Variants in ADCY10 observed in about 807,000 individuals in gnomAD.
ADCY10 encodes adenylate cyclase 10.
Under a neutral mutation model 183.3 loss-of-function variants are expected in ADCY10, and 156 were observed. That is an observed-to-expected ratio of 0.85 (90% CI 0.75 to 0.97). The LOEUF (loss-of-function observed/expected upper bound fraction) is 0.97. Among genes scored for constraint, ADCY10 ranks in the 50% least tolerant of loss-of-function variants. The probability of loss-of-function intolerance (pLI) is 0.00; values close to 1 mark genes in which losing one functional copy is unlikely to be tolerated. For synonymous variants in ADCY10, 645 were observed against 670.0 expected, an observed-to-expected ratio of 0.96 and a Z score of 0.58; for missense variants, 1,745 against 1,934.3, an observed-to-expected ratio of 0.90 and a Z score of 1.84.
rs762707830 is a variant in ADCY10, at chr1:167,837,238, T to C, written c.3077+11A>G. The stretch of plus-strand genomic sequence containing the variant: ...ATGCTCTACTTCCTAAACAATGATA[T>C]ATGCCTCTACCTGCGATTTTCAGGA... On this transcript the variant is annotated intron_variant, in intron 22 of 32. Transcript: ENST00000367851. The C allele has an allele frequency of 5.6e-6, 9 of 1,603,400 alleles. No homozygotes were observed. Among genetic ancestry groups the C allele is most frequent in the Non-Finnish European group, 7.7e-6 (9 of 1,170,444 alleles).
At chr1:167,880,345 C>T (rs1191614330) in intron 10 of ADCY10, 146 bp downstream of exon 10, 6 of 949,402 alleles carry the variant, frequency 6.3e-6, no homozygotes, top group East Asian at 4.9e-5. Context: ...CTACATGGCC[C>T]GGAGATGCGA....
Position 167,836,354 on chromosome 1 carries a change from G to T in ADCY10, c.3264C>A (p.Phe1088Leu). The T allele has an allele frequency of 6.2e-7, 1 of 1,614,108 alleles. No homozygotes were observed. The highest frequency in any genetic ancestry group is 2.2e-5 in the East Asian group (1 of 44,864). ...TGAGATAAGCAGATGCAATTTCTAA[G>T]AAGTAATATAAGGCTTTGTCATTTT... ...LGENDKALYY[F>L]LEIASAYLIF... is the part of the protein sequence containing the mutation. Residue 1088 changes from phenylalanine (F) to leucine (L), a missense_variant, in exon 23 of 33, where the codon TTC (phenylalanine) becomes TTA (leucine). Coordinates refer to ENST00000367851, the MANE Select transcript of ADCY10 (RefSeq NM_018417.6).
At chr1:167,862,605 G>T (rs1666364810) in intron 14 of ADCY10, among the ~76,000 whole-genome samples, 1 of 152,120 alleles carries the variant, frequency 6.6e-6, no homozygotes, top group Non-Finnish European at 1.5e-5. Flanking sequence ...TTTTACAGAG[G>T]CCCCGGCTAG....
chr1:167,846,288 G>T, intron 19 of ADCY10, 25 bp from the exon 20 acceptor site: 1 of 1,613,664 alleles, frequency 6.2e-7, no homozygotes. Context: ...CCACACAGTA[G>T]AAAACTAGTT....
intron 9 of ADCY10, 102 bp downstream of exon 9, chr1:167,883,335 G>T: frequency 7.4e-7 from 1 of 1,352,500 alleles, no homozygotes; most frequent in Non-Finnish European, 1.1e-6. Flanking sequence ...ACCACGCCCA[G>T]CCTCTAGGTT....
intron 3 of ADCY10, 136 bp downstream of exon 3, chr1:167,903,751 A>G: frequency 1.5e-6 from 1 of 686,290 alleles, no homozygotes; most frequent in Non-Finnish European, 2.6e-6. Context: ...ATTTCAAAAA[A>G]GACTGGTTTT....
chr1:167,815,081 C>T (rs1412676605), intron 31 of ADCY10, among the ~76,000 whole-genome samples: 2 of 152,028 alleles, frequency 1.3e-5, no homozygotes, highest in Non-Finnish European at 2.9e-5. Context: ...GCCGAGATCA[C>T]GCCATTGCAC....
chr1:167,853,983 C>T (rs1665695059), intron 18 of ADCY10, among the ~76,000 whole-genome samples: 1 of 151,974 alleles, frequency 6.6e-6, no homozygotes, highest in Non-Finnish European at 1.5e-5. Flanking sequence ...GGATTACAAG[C>T]ACCCACCACC....
At chr1:167,821,116 T>C (rs997252662) in intron 30 of ADCY10, 1 of 152,252 alleles carries the variant, frequency 6.6e-6, no homozygotes, top group Non-Finnish European at 1.5e-5. Context: ...GTCTTGGGGA[T>C]AGTCATGGAA....
At chr1:167,890,556 C>T (rs1490928777) in intron 8 of ADCY10, among the ~76,000 whole-genome samples, 2 of 152,124 alleles carry the variant, frequency 1.3e-5, no homozygotes, top group African/African-American at 2.4e-5. Flanking sequence ...GTGACTACTA[C>T]CAGGCTACCA....
At chr1:167,882,261 G>A (rs1470399347) in intron 9 of ADCY10, among the ~76,000 whole-genome samples, 1 of 152,068 alleles carries the variant, frequency 6.6e-6, no homozygotes, top group East Asian at 1.9e-4. Context: ...GAGGCAGGTG[G>A]ATCACTTGAG....
chr1:167,819,247 ATTTTTTTTT>A (rs11454786), intron 30 of ADCY10, among the ~76,000 whole-genome samples: 5,938 of 128,326 alleles, frequency 0.046, 427 homozygotes, highest in African/African-American at 0.16. Flanking sequence ...AGAAAATCCG[ATTTTTTTTT>A]TTTTTTTTTT....
At chr1:167,887,770 A>C (rs1035341974) in intron 8 of ADCY10, among the ~76,000 whole-genome samples, 1 of 151,368 alleles carries the variant, frequency 6.6e-6, no homozygotes, top group African/African-American at 2.4e-5. Context: ...TATCTGATAA[A>C]ATAATTCTAA....
rs962338186 is a variant in ADCY10, at chr1:167,899,318, C to A, written c.642+105G>T. 1.6e-5 allele frequency: 19 copies of A among 1,165,044 alleles called. No individual in the cohort carries two copies. The African/African-American group carries it at 2.3e-4, about 14-fold the overall frequency. 72.2% of individuals were successfully genotyped at this position (1,165,044 alleles called of 1,614,324 possible). A position where few individuals can be genotyped will look rare whatever the true frequency, so the allele number is the denominator to read the frequency against. ...ACCCAGACTGACCCCATCCCAATCT[C>A]CAGCCCAGGAGCTTTATGAAACCAG... is the stretch of plus-strand genomic sequence containing the variant. On this transcript the variant is annotated intron_variant, in intron 6 of 32. Transcript: ENST00000367851.
intron 12 of ADCY10, among the ~76,000 whole-genome samples, chr1:167,875,411 G>T (rs1359868636): frequency 2.0e-5 from 2 of 101,926 alleles, no homozygotes; most frequent in Admixed American, 2.0e-4. Context: ...ATAGCATCTG[G>T]CACATTGTTC....
chr1:167,867,291 A>G (rs1571346775), intron 14 of ADCY10, among the ~76,000 whole-genome samples: 1 of 152,214 alleles, frequency 6.6e-6, no homozygotes, highest in East Asian at 1.9e-4. Flanking sequence ...GCCCTGCTCC[A>G]GTCACACCCG....
At chr1:167,900,774 C>T (rs1399349876) in intron 5 of ADCY10, among the ~76,000 whole-genome samples, 1 of 152,170 alleles carries the variant, frequency 6.6e-6, no homozygotes, top group African/African-American at 2.4e-5. Context: ...TCAGGTGATC[C>T]ACCCACCTTG....
At chr1:167,858,903 AATG>A (rs71100907) in intron 16 of ADCY10, among the ~76,000 whole-genome samples, 21,601 of 152,144 alleles carry the variant, frequency 0.14, 1,820 homozygotes, top group East Asian at 0.37. Context: ...TCCAGGAAAA[AATG>A]ATAAGAGCCT....
chr1:167,866,503 C>T (rs1335420231), intron 14 of ADCY10, among the ~76,000 whole-genome samples: 1 of 145,466 alleles, frequency 6.9e-6, no homozygotes, highest in Non-Finnish European at 1.5e-5. Context: ...GGCTACCTGA[C>T]CTGACGAAAG....
Sources: gnomAD v4.1 joint callset for allele counts (sites outside exome capture counted in the v4.1 genomes callset) on GRCh38, gnomAD v4.1.1 for gene constraint, MANE v1.5 for transcripts, NCBI Gene and HGNC (gene_info 2026-07-23, HGNC 2026-07-21) for gene names.